The following CD82 variants were observed in gnomAD, a reference collection of about 807,000 sequenced individuals.
CD82 encodes the protein CD82 molecule.
In CD82, 36 loss-of-function variants were observed where a neutral mutation model predicts 37.4. That is an observed-to-expected ratio of 0.96 (90% CI 0.74 to 1.27). The LOEUF is 1.27. Ranked by LOEUF, CD82 falls within the 50% of genes most tolerant of loss-of-function variation. The probability of loss-of-function intolerance (pLI) is 0.00; values close to 1 mark genes in which losing one functional copy is unlikely to be tolerated. For synonymous variants in CD82, 158 were observed against 137.4 expected (o/e 1.15, Z -1.05); for missense variants, 340 against 347.0 (o/e 0.98, Z 0.16).
chr11:44,578,771 G>C (rs1055841904), intron 1 of CD82, among the ~76,000 whole-genome samples: 7 of 152,326 alleles, frequency 4.6e-5, no homozygotes, highest in African/African-American at 1.7e-4. Flanking sequence ...CTGGACCAGG[G>C]GGGATGGGGT....
chr11:44,570,531 A>G (rs1468778771), intron 1 of CD82, among the ~76,000 whole-genome samples: 2 of 152,314 alleles, frequency 1.3e-5, no homozygotes, highest in East Asian at 3.9e-4. Context: ...AGCAGTACCT[A>G]GCTTGGTACC....
At chr11:44,618,849 G>A in intron 9 of CD82, 126 bp downstream of exon 9, 2 of 880,650 alleles carry the variant, frequency 2.3e-6, no homozygotes, top group Non-Finnish European at 3.6e-6. Flanking sequence ...GAGGCCCTCT[G>A]GTCTGAGCAC....
intron 1 of CD82, among the ~76,000 whole-genome samples, chr11:44,567,386 T>C (rs1487168737): frequency 6.7e-6 from 1 of 149,142 alleles, no homozygotes; most frequent in African/African-American, 2.5e-5. Flanking sequence ...GGAGACTGTG[T>C]GTGTATGTAG....
intron 4 of CD82, 74 bp downstream of exon 4, chr11:44,600,304 C>G: frequency 7.1e-7 from 1 of 1,400,046 alleles, no homozygotes; most frequent in Non-Finnish European, 1.0e-6. Flanking sequence ...ACAGCTGCTC[C>G]CATAAGTGCT....
At chr11:44,605,572 C>T in intron 6 of CD82, 143 bp downstream of exon 6, 2 of 718,604 alleles carry the variant, frequency 2.8e-6, no homozygotes, top group Non-Finnish European at 4.7e-6. Flanking sequence ...GGACACTATT[C>T]CTTGTGATCA....
intron 6 of CD82, among the ~76,000 whole-genome samples, chr11:44,612,417 A>G (rs1404127667): frequency 6.6e-6 from 1 of 152,180 alleles, no homozygotes; most frequent in Admixed American, 6.5e-5. Flanking sequence ...TAATACATTT[A>G]AAGTGCTTAC....
chr11:44,575,458 A>T (rs2134622807), intron 1 of CD82, among the ~76,000 whole-genome samples: 1 of 152,330 alleles, frequency 6.6e-6, no homozygotes, highest in African/African-American at 2.4e-5. Context: ...TCAAACTCTG[A>T]CATGCATCAG....
chr11:44,588,020 T>A, intron 2 of CD82: 1 of 216,368 alleles, frequency 4.6e-6, no homozygotes, highest in Non-Finnish European at 9.6e-6. Context: ...TTGTTGGGAG[T>A]CTGCCTTGTT....
At chr11:44,581,853 G>C (rs1009733900) in intron 1 of CD82, among the ~76,000 whole-genome samples, 1 of 152,158 alleles carries the variant, frequency 6.6e-6, no homozygotes, top group African/African-American at 2.4e-5. Context: ...GTTCCATCTC[G>C]GCCCTCTGTG....
chr11:44,600,059 C>A, intron 3 of CD82, 99 bp from the exon 4 acceptor site: 1 of 1,213,640 alleles, frequency 8.2e-7, no homozygotes, highest in Non-Finnish European at 1.2e-6. Context: ...CCTCTGTGGC[C>A]CCCTGCCCTG....
chr11:44,593,994 T>TACAC (rs10532667), intron 2 of CD82, among the ~76,000 whole-genome samples: 16 of 151,132 alleles, frequency 1.1e-4, no homozygotes, highest in African/African-American at 3.9e-4. Flanking sequence ...CCATTTGTTA[T>TACAC]ACACACACAC....
chr11:44,578,926 C>T (rs1455508669), intron 1 of CD82, among the ~76,000 whole-genome samples: 5 of 152,156 alleles, frequency 3.3e-5, no homozygotes, highest in Non-Finnish European at 7.3e-5. Flanking sequence ...CTCCCCATGG[C>T]CCTGAGTTGC....
At chr11:44,611,264 C>A (rs879581611) in intron 6 of CD82, among the ~76,000 whole-genome samples, 13 of 152,234 alleles carry the variant, frequency 8.5e-5, no homozygotes, top group Non-Finnish European at 1.8e-4. Flanking sequence ...TAGCCAGAGC[C>A]AGCAGAAGGC....
At chr11:44,578,431 G>A (rs981711536) in intron 1 of CD82, among the ~76,000 whole-genome samples, 4 of 152,098 alleles carry the variant, frequency 2.6e-5, no homozygotes, top group Admixed American at 6.5e-5. Context: ...TTCCTATAGC[G>A]CCTAGCACCT....
In CD82 at chr11:44,619,863, T is replaced by G. The variant is rs1019308428; in HGVS notation, c.*737T>G. Reference sequence around the variant, plus strand: ...TGCCTACTGGGTGGGTCAACTTATTTCCCACTATGACATTTATATCTTTAT... The same window carrying G: ...TGCCTACTGGGTGGGTCAACTTATTGCCCACTATGACATTTATATCTTTAT... On this transcript the variant is annotated 3_prime_UTR_variant, in exon 10 of 10. Coordinates refer to ENST00000227155, the MANE Select transcript of CD82 (RefSeq NM_002231.4). 1.3e-5 allele frequency: 2 copies of G among 151,902 alleles called. No homozygotes were observed. The highest frequency in any genetic ancestry group is 2.9e-5 in the Non-Finnish European group (2 of 68,014). 9.4% of individuals were successfully genotyped at this position (151,902 alleles called of 1,614,324 possible). A position where few individuals can be genotyped will look rare whatever the true frequency, so the allele number is the denominator to read the frequency against.
chr11:44,607,241 G>T (rs539360496), intron 6 of CD82, among the ~76,000 whole-genome samples: 1 of 152,232 alleles, frequency 6.6e-6, no homozygotes, highest in South Asian at 2.1e-4. Context: ...AACTTCACAA[G>T]ACAAGATACT....
At chr11:44,577,626 C>CT (rs1485454607) in intron 1 of CD82, among the ~76,000 whole-genome samples, 3 of 152,196 alleles carry the variant, frequency 2.0e-5, no homozygotes, top group African/African-American at 7.2e-5. Flanking sequence ...CAGCAAGTCA[C>CT]TTATCTTCTC....
intron 7 of CD82, among the ~76,000 whole-genome samples, chr11:44,617,857 G>A (rs1853588297): frequency 6.6e-6 from 1 of 152,196 alleles, no homozygotes; most frequent in South Asian, 2.1e-4. Flanking sequence ...CGGCAGGGCT[G>A]GGATTGTAAC....
At chr11:44,598,438 G>A (rs1237934706) in intron 3 of CD82, among the ~76,000 whole-genome samples, 1 of 35,742 alleles carries the variant, frequency 2.8e-5, no homozygotes, top group Non-Finnish European at 5.5e-5. Flanking sequence ...TTGAGACGGA[G>A]TCTCACTCTT....
Sources: allele counts gnomAD v4.1 joint callset (sites outside exome capture counted in the v4.1 genomes callset), GRCh38; gene constraint gnomAD v4.1.1; transcripts MANE v1.5; gene names NCBI Gene and HGNC (gene_info 2026-07-23, HGNC 2026-07-21).